The following AKT2 variants were observed in gnomAD, a reference collection of about 807,000 sequenced individuals.
AKT2 encodes AKT serine/threonine kinase 2.
AKT2 carries 16 observed loss-of-function variants against 58.6 expected under a neutral mutation model. The observed-to-expected ratio is 0.27, with a 90% CI of 0.18 to 0.41. The LOEUF (loss-of-function observed/expected upper bound fraction) is 0.41, where lower values mean the gene tolerates loss of function less well. AKT2 is among the 10% of genes least tolerant of loss of function. The probability of loss-of-function intolerance (pLI) is 1.00; values close to 1 mark genes in which losing one functional copy is unlikely to be tolerated. For missense variants in AKT2, 438 were observed against 661.0 expected (o/e 0.66, Z 3.70); for synonymous variants, 253 against 254.0 (o/e 1.00, Z 0.04).
chr19:40,266,218 G>A (rs1027576643), intron 1 of AKT2: 1 of 152,370 alleles, frequency 6.6e-6, no homozygotes, highest in Middle Eastern at 3.2e-3. Flanking sequence ...GGAGCCTGGG[G>A]CCTGGCCAGG....
At chr19:40,257,090 G>A (rs1484315250) in intron 2 of AKT2, 36 bp from the exon 3 acceptor site, 11 of 1,612,678 alleles carry the variant, frequency 6.8e-6, no homozygotes, top group Non-Finnish European at 9.3e-6. Context: ...GAGAGGTTAG[G>A]ACAAGGTTGA....
intron 2 of AKT2, among the ~76,000 whole-genome samples, chr19:40,257,529 C>T (rs1312556066): frequency 1.3e-5 from 2 of 151,874 alleles, no homozygotes; most frequent in African/African-American, 4.8e-5. Flanking sequence ...CTCCCAGCGC[C>T]CCTTGACTCT....
intron 1 of AKT2, among the ~76,000 whole-genome samples, chr19:40,269,267 G>A (rs1051574610): frequency 2.6e-5 from 4 of 152,116 alleles, no homozygotes; most frequent in African/African-American, 9.7e-5. Flanking sequence ...AAGGTTCCTG[G>A]GCATGAGTCT....
At chr19:40,236,784 G>A (rs1974059991) in intron 9 of AKT2, 2 of 300,362 alleles carry the variant, frequency 6.7e-6, no homozygotes, top group Non-Finnish European at 1.3e-5. Flanking sequence ...AGCAATTTGG[G>A]GGACTTAGGT....
At chr19:40,240,776 CTT>C (rs548486162) in intron 6 of AKT2, 129 of 146,590 alleles carry the variant, frequency 8.8e-4, no homozygotes, top group South Asian at 2.2e-3. Context: ...TGTCTGAAGT[CTT>C]TTTTTTTTTT....
intron 6 of AKT2, chr19:40,241,601 A>G: frequency 2.8e-6 from 1 of 362,904 alleles, no homozygotes. Context: ...CCCGGCCTCC[A>G]CCTGGGATAC....
intron 4 of AKT2, among the ~76,000 whole-genome samples, chr19:40,249,797 G>T (rs934844572): frequency 6.6e-6 from 1 of 152,234 alleles, no homozygotes. Flanking sequence ...CCATTTGTGT[G>T]CCAGATACAT....
Position 40,242,656 on chromosome 19 carries a change from C to A in AKT2, c.319G>T (p.Ala107Ser). ...GGGGCCCGCTGCTTGAGGCTGTTGG[C>A]GACCATCTGGATGGCCCGCATCCAC... is the stretch of plus-strand genomic sequence containing the variant. ...EEWMRAIQMV[A>S]NSLKQRAPGE... The change falls in exon 5 of 14, where the codon GCC becomes TCC. Residue 107 changes from alanine to serine, a missense_variant. By Grantham distance (99) the Ala-to-Ser change is moderately conservative. This residue lies in a region of AKT2 where 244 missense variants were observed against 347.1 expected (regional missense o/e 0.70). Coordinates refer to ENST00000392038, the MANE Select transcript of AKT2 (RefSeq NM_001626.6). This position sits in a 1 kb window ranked among gnomAD's most constrained non-coding sequence, Gnocchi z 4.3. 3.7e-6 allele frequency: 6 copies of A among 1,612,550 alleles called. No individual in the cohort carries two copies. The highest frequency in any genetic ancestry group is 5.1e-6 in the Non-Finnish European group (6 of 1,180,020).
In AKT2 at chr19:40,234,994, T is replaced by C. The variant is rs1973924735; in HGVS notation, c.1366+51A>G. 2 of 1,499,880 alleles carry C rather than the reference T, an allele frequency of 1.3e-6. No individual in the cohort carries two copies. Among genetic ancestry groups the C allele is most frequent in the Admixed American group, 1.7e-5 (1 of 59,520 alleles). 92.9% of individuals were successfully genotyped at this position (1,499,880 alleles called of 1,614,324 possible). ...AGAAGTGAGTTAAGAGCAGATCCCA[T>C]CCCTCCACCCCTGGGGCAGGCACAC... On this transcript the variant is annotated intron_variant, in intron 13 of 13. Coordinates refer to ENST00000392038, the MANE Select transcript of AKT2 (RefSeq NM_001626.6). This position sits in a 1 kb window ranked among gnomAD's most constrained non-coding sequence, Gnocchi z 4.7.
At chr19:40,265,538 G>GATTGGGGT in intron 1 of AKT2, 187 bp from the exon 2 acceptor site, 1 of 758,800 alleles carries the variant, frequency 1.3e-6, no homozygotes, top group Non-Finnish European at 2.0e-6. Flanking sequence ...AATGTCCCCA[G>GATTGGGGT]CGACCCCAAT....
intron 1 of AKT2, chr19:40,279,624 T>C (rs1334070696): frequency 1.3e-5 from 2 of 149,028 alleles, no homozygotes; most frequent in South Asian, 2.1e-4. Context: ...GTTCTGCTCC[T>C]TCTAGGAAGA....
chr19:40,275,865 T>C (rs891196353), intron 1 of AKT2, among the ~76,000 whole-genome samples: 6 of 140,322 alleles, frequency 4.3e-5, no homozygotes, highest in African/African-American at 1.6e-4. Context: ...ATACAAAAAT[T>C]AGCCAGGCGT....
chr19:40,240,069 C>G lies in AKT2; in HGVS notation c.615G>C (p.Gln205His). ...CAGTGAGGAACGGGTGCCTGGTGTT[C>G]TGGAGGACCCGGCTCTCGGTGACTG... is the stretch of plus-strand genomic sequence containing the variant. ...AHTVTESRVL[Q>H]NTRHPFLTAL... is the part of the protein sequence containing the mutation. Residue 205 changes from glutamine to histidine, a missense_variant, in exon 7 of 14, where the codon CAG becomes CAC. Around this residue, in one of 3 missense-constraint regions of AKT2, gnomAD observed 244 missense variants for 347.1 expected, o/e 0.70. Coordinates refer to ENST00000392038, the MANE Select transcript of AKT2 (RefSeq NM_001626.6). 6.2e-7 allele frequency: 1 copy of G among 1,614,068 alleles called. No homozygotes were observed. The highest frequency in any genetic ancestry group is 8.5e-7 in the Non-Finnish European group (1 of 1,180,026).
intron 1 of AKT2, chr19:40,274,089 C>T (rs942221827): frequency 6.6e-6 from 1 of 152,644 alleles, no homozygotes; most frequent in East Asian, 1.9e-4. Flanking sequence ...CGGAGGCCTT[C>T]CCTGACCACC....
intron 4 of AKT2, among the ~76,000 whole-genome samples, chr19:40,253,776 G>A (rs759867201): frequency 1.3e-5 from 2 of 151,924 alleles, no homozygotes; most frequent in East Asian, 1.9e-4. Flanking sequence ...TCCTTATAAT[G>A]AGCCAAAGGC....
intron 4 of AKT2, chr19:40,244,233 G>A (rs556955407): frequency 3.3e-4 from 50 of 151,646 alleles, no homozygotes; most frequent in Admixed American, 2.1e-3. Flanking sequence ...GCTTGCATCC[G>A]GAAGTTTGAG....
At position 40,238,140 on chromosome 19, in the gene AKT2, C is replaced by G. The variant is rs1453720526; in HGVS notation, c.709-49G>C. On this transcript the variant is annotated intron_variant, in intron 8 of 13. Transcript: ENST00000392038. This position sits in a 1 kb window ranked among gnomAD's most constrained non-coding sequence, Gnocchi z 5.1. Reference sequence around the variant, plus strand: ...AGGAGGTCAGGCCCCAGCCCACCCACCTGCCCTCACCTTCCCAGCCCCCTG... The same window carrying G: ...AGGAGGTCAGGCCCCAGCCCACCCAGCTGCCCTCACCTTCCCAGCCCCCTG... 1 of 1,555,118 alleles carries G rather than the reference C, an allele frequency of 6.4e-7. No homozygotes were observed. Among genetic ancestry groups the G allele is most frequent in the Non-Finnish European group, 8.7e-7 (1 of 1,149,906 alleles).
intron 1 of AKT2, among the ~76,000 whole-genome samples, chr19:40,281,407 A>C (rs927510873): frequency 6.6e-6 from 1 of 152,172 alleles, no homozygotes; most frequent in Non-Finnish European, 1.5e-5. Context: ...TGGAAGGATC[A>C]CTAAAGCCTA....
chr19:40,268,549 T>A (rs1181247603), intron 1 of AKT2: 1 of 152,416 alleles, frequency 6.6e-6, no homozygotes, highest in African/African-American at 2.4e-5. Flanking sequence ...CATGCCCAGA[T>A]GAGGACAGAA....
Sources: gnomAD v4.1 joint callset for allele counts (sites outside exome capture counted in the v4.1 genomes callset) on GRCh38, gnomAD v4.1.1 for gene constraint, gnomAD v4.1.1 regional missense constraint, Gnocchi (gnomAD v3.1) non-coding constraint, MANE v1.5 for transcripts, NCBI Gene and HGNC (gene_info 2026-07-23, HGNC 2026-07-21) for gene names.